LMNTD1: variants seen among roughly 807,000 people sequenced by gnomAD.
LMNTD1 encodes the protein lamin tail domain-containing protein 1.
LMNTD1 carries 35 observed loss-of-function variants against 50.9 expected under a neutral mutation model. The observed-to-expected ratio is 0.69, with a 90% CI of 0.53 to 0.91. The LOEUF is 0.91. Ranked by LOEUF, LMNTD1 falls within the 40% of genes least tolerant of loss-of-function variation. The probability of loss-of-function intolerance (pLI) is 0.00; values close to 1 mark genes in which losing one functional copy is unlikely to be tolerated. For synonymous variants in LMNTD1, 153 were observed against 161.9 expected (o/e 0.94, Z 0.42); for missense variants, 470 against 475.5 (o/e 0.99, Z 0.11).
At chr12:25,504,760 C>A (rs559340245) in intron 8 of LMNTD1, among the ~76,000 whole-genome samples, 43 of 152,294 alleles carry the variant, frequency 2.8e-4, no homozygotes, top group Non-Finnish European at 6.2e-4. Context: ...TTCTGATTAT[C>A]ACGGTAATTT....
intron 1 of LMNTD1, among the ~76,000 whole-genome samples, chr12:25,571,367 ATTTATTTATTTT>A (rs1377879776): frequency 2.7e-5 from 2 of 73,766 alleles, no homozygotes; most frequent in Non-Finnish European, 4.4e-5. Context: ...TTATTTATTT[ATTTATTTATTTT>A]TTGAGACGGA....
rs116822386 is a variant in LMNTD1, at chr12:25,581,471, C to T, written c.59-34917G>A. ...AGGATTAGGAAAGGCGATTCTAAGA[C>T]AAGAAATTGAGCACCTCTAAATCAC... is the stretch of plus-strand genomic sequence containing the variant. On this transcript the variant is annotated intron_variant, in intron 1 of 7. Transcript: ENST00000445693. 4.0e-3 allele frequency among the ~76,000 whole-genome samples: 614 copies of T among 152,144 alleles called. 3 individuals carry two copies. Among genetic ancestry groups the T allele is most frequent in the African/African-American group, 0.014 (580 of 41,500 alleles).
At chr12:25,619,042 A>G (rs1946406134) in intron 1 of LMNTD1, among the ~76,000 whole-genome samples, 1 of 152,124 alleles carries the variant, frequency 6.6e-6, no homozygotes, top group Non-Finnish European at 1.5e-5. Flanking sequence ...ATATGCTTCA[A>G]TTTATTTACT....
intron 1 of LMNTD1, among the ~76,000 whole-genome samples, chr12:25,596,036 T>A (rs1234466534): frequency 6.6e-6 from 1 of 152,028 alleles, no homozygotes; most frequent in Non-Finnish European, 1.5e-5. Context: ...CTAGCTTCAA[T>A]CTGGAAGAAT....
At chr12:25,569,737 C>A (rs558951245) in intron 1 of LMNTD1, among the ~76,000 whole-genome samples, 1 of 152,130 alleles carries the variant, frequency 6.6e-6, no homozygotes, top group Non-Finnish European at 1.5e-5. Flanking sequence ...CCCTGCCCAC[C>A]TTGCTCTCTT....
intron 8 of LMNTD1, among the ~76,000 whole-genome samples, chr12:25,507,945 TAA>T (rs1403322246): frequency 6.6e-6 from 1 of 152,162 alleles, no homozygotes; most frequent in Non-Finnish European, 1.5e-5. Flanking sequence ...TATTAATGGT[TAA>T]GACTGTTTTT....
In LMNTD1 at chr12:25,549,428, A is replaced by G; in HGVS notation, c.208T>C (p.Tyr70His). ...SNSSGMPLGY[Y>H]LSSPQISRVT... ...CTACTAATCTGAGGACTAGACAGAT[A>G]GTAACCAAGAGGCATTCCACTGGAA... Residue 70 changes from tyrosine to histidine, a missense_variant, in exon 3 of 10, where the codon TAT becomes CAT. Physicochemically the swap from Tyr to His is moderately conservative, Grantham distance 83. Transcript: ENST00000458174. 3 of 1,613,066 alleles carry G rather than the reference A, an allele frequency of 1.9e-6. No individual in the cohort carries two copies. Among genetic ancestry groups the G allele is most frequent in the Non-Finnish European group, 2.5e-6 (3 of 1,179,120 alleles).
intron 9 of LMNTD1, among the ~76,000 whole-genome samples, chr12:25,483,543 G>A (rs1332173371): frequency 2.6e-5 from 4 of 151,850 alleles, no homozygotes; most frequent in African/African-American, 7.3e-5. Context: ...AGGCCGAGGT[G>A]GGTGGATCAT....
At chr12:25,593,922 G>C (rs956488413) in intron 1 of LMNTD1, among the ~76,000 whole-genome samples, 5 of 152,104 alleles carry the variant, frequency 3.3e-5, no homozygotes, top group African/African-American at 1.2e-4. Context: ...AACGCAAAAT[G>C]CTGTGGCAAG....
intron 7 of LMNTD1, among the ~76,000 whole-genome samples, chr12:25,519,586 T>TTAAAAAAAAA (rs781742784): frequency 1.2e-4 from 9 of 74,958 alleles, no homozygotes; most frequent in East Asian, 1.0e-3. Context: ...AGACTCTGTC[T>TTAAAAAAAAA]CAAAAAAAAA....
chr12:25,594,280 G>A (rs1945785826), intron 1 of LMNTD1, among the ~76,000 whole-genome samples: 1 of 152,112 alleles, frequency 6.6e-6, no homozygotes, highest in Non-Finnish European at 1.5e-5. Context: ...CTAAAGTTAA[G>A]ATAAAGGAAA....
At chr12:25,586,732 G>A (rs1945537360) in intron 1 of LMNTD1, among the ~76,000 whole-genome samples, 1 of 152,132 alleles carries the variant, frequency 6.6e-6, no homozygotes, top group Non-Finnish European at 1.5e-5. Context: ...ATATAGGAAG[G>A]GGCTGAGTCT....
intron 1 of LMNTD1, among the ~76,000 whole-genome samples, chr12:25,601,541 A>T (rs1945974803): frequency 6.6e-6 from 1 of 151,976 alleles, no homozygotes; most frequent in African/African-American, 2.4e-5. Context: ...ATTATGAAGC[A>T]TTGCATGCCT....
chr12:25,483,147 G>T (rs564877398), intron 9 of LMNTD1, among the ~76,000 whole-genome samples: 4 of 152,074 alleles, frequency 2.6e-5, no homozygotes, highest in African/African-American at 9.7e-5. Flanking sequence ...AATGTGGGCT[G>T]GGCGTGGTGG....
At position 25,553,100 on chromosome 12, in the gene LMNTD1, AG is replaced by A; in HGVS notation, c.-63del. 3 of 1,613,492 alleles carry A rather than the reference AG, an allele frequency of 1.9e-6. No homozygotes were observed. Among genetic ancestry groups the A allele is most frequent in the Non-Finnish European group, 2.5e-6 (3 of 1,179,858 alleles). On this transcript the variant is annotated 5_prime_UTR_variant, in exon 1 of 10. It introduces an in-frame stop codon into an upstream open reading frame of the 5' UTR. Transcript: ENST00000458174. ...ATCCAACTACCTTCAAGCATCAGCT[AG>A]GTTTAATAATTTCTTTACCAAACTA...
intron 1 of LMNTD1, among the ~76,000 whole-genome samples, chr12:25,584,519 C>T (rs1041764954): frequency 1.3e-5 from 2 of 152,156 alleles, no homozygotes; most frequent in Admixed American, 6.5e-5. Context: ...ATTTTATAGA[C>T]CTAATCAGGT....
At chr12:25,486,883 G>T (rs1158178122) in intron 9 of LMNTD1, among the ~76,000 whole-genome samples, 2 of 151,886 alleles carry the variant, frequency 1.3e-5, no homozygotes, top group African/African-American at 4.8e-5. Flanking sequence ...TAAGCTTTTT[G>T]ATGTGCTGCT....
intron 1 of LMNTD1, among the ~76,000 whole-genome samples, chr12:25,648,206 T>A (rs1947114282): frequency 6.6e-6 from 1 of 152,224 alleles, no homozygotes; most frequent in Admixed American, 6.5e-5. Context: ...GTTTATTCTA[T>A]ACATACGTGT....
intron 4 of LMNTD1, among the ~76,000 whole-genome samples, chr12:25,528,451 C>T (rs968172035): frequency 2.6e-5 from 4 of 152,172 alleles, no homozygotes; most frequent in Non-Finnish European, 4.4e-5. Flanking sequence ...TGCTAGAAAA[C>T]GCACACACAA....
Sources: gnomAD v4.1 joint callset for allele counts (sites outside exome capture counted in the v4.1 genomes callset) on GRCh38, gnomAD v4.1.1 for gene constraint, MANE v1.5 for transcripts, NCBI Gene and HGNC (gene_info 2026-07-23, HGNC 2026-07-21) for gene names.